Variants in SCRG1 observed in about 807,000 individuals in gnomAD.
The protein encoded by SCRG1 is scrapie-responsive protein 1.
SCRG1 carries 3 observed loss-of-function variants against 7.7 expected under a neutral mutation model. The ratio of observed to expected loss-of-function variants is 0.39; its 90% CI spans 0.18 to 1.01. SCRG1 has a LOEUF of 1.01. Ranked by LOEUF, SCRG1 falls within the 50% of genes least tolerant of loss-of-function variation. SCRG1 has a pLI of 0.36. For missense variants in SCRG1, 110 were observed against 117.2 expected (o/e 0.94, Z 0.28); for synonymous variants, 46 against 41.2 (o/e 1.12, Z -0.44).
At chr4:173,495,075 A>G in the SCRG1 span, among the ~76,000 whole-genome samples, 113 of 152,374 alleles carry the variant, frequency 7.4e-4, no homozygotes, top group African/African-American at 2.5e-3. Flanking sequence ...AATAGGGAAA[A>G]CAGGGCCTTC....
At chr4:173,426,998 G>C in the SCRG1 span, among the ~76,000 whole-genome samples, 2 of 152,246 alleles carry the variant, frequency 1.3e-5, no homozygotes, top group South Asian at 2.1e-4. Flanking sequence ...TTTTAGCATT[G>C]TCTGTCTTCC....
the SCRG1 span, among the ~76,000 whole-genome samples, chr4:173,443,194 T>A: frequency 6.6e-6 from 1 of 152,204 alleles, no homozygotes; most frequent in South Asian, 2.1e-4. Flanking sequence ...TCTTATGAGA[T>A]CCATGTAAGA....
the SCRG1 span, among the ~76,000 whole-genome samples, chr4:173,479,497 G>A: frequency 6.9e-5 from 10 of 144,922 alleles, no homozygotes; most frequent in Non-Finnish European, 1.5e-4. Context: ...CTGGAGTGCA[G>A]TGGCATGATC....
rs1739264494 is a variant in SCRG1 at position 173,386,957 on chromosome 4, G to A, written c.*1384C>T. Reference sequence around the variant, plus strand: ...TGAAAGACTTTCTGACATTACCTCTGATGGCAATATGAGTCACATACCTCT... The same window carrying A: ...TGAAAGACTTTCTGACATTACCTCTAATGGCAATATGAGTCACATACCTCT... On this transcript the variant is annotated 3_prime_UTR_variant, in exon 3 of 3. Coordinates refer to ENST00000296506, the MANE Select transcript of SCRG1 (RefSeq NM_007281.4). 1.3e-5 allele frequency: 2 copies of A among 152,142 alleles called. No homozygotes were observed. Among genetic ancestry groups the A allele is most frequent in the African/African-American group, 4.8e-5 (2 of 41,428 alleles). 9.4% of individuals were successfully genotyped at this position (152,142 alleles called of 1,614,324 possible).
the SCRG1 span, among the ~76,000 whole-genome samples, chr4:173,510,966 C>T: frequency 6.6e-6 from 1 of 152,116 alleles, no homozygotes; most frequent in Non-Finnish European, 1.5e-5. This position sits in a 1 kb window ranked among gnomAD's most constrained non-coding sequence, Gnocchi z 5.7. Flanking sequence ...TATCAGCTGC[C>T]TCTTCTTTTT....
the SCRG1 span, among the ~76,000 whole-genome samples, chr4:173,436,094 G>GA: frequency 2.0e-5 from 3 of 151,782 alleles, no homozygotes; most frequent in African/African-American, 7.3e-5. Flanking sequence ...TTAAAAGGAT[G>GA]AAAAAAACTC....
the SCRG1 span, among the ~76,000 whole-genome samples, chr4:173,516,823 G>T: frequency 6.6e-6 from 1 of 152,236 alleles, no homozygotes; most frequent in African/African-American, 2.4e-5. Flanking sequence ...CGCCGAGGGG[G>T]CCAGAGGCTC....
At chr4:173,401,904 C>T (rs4696069), upstream of SCRG1, among the ~76,000 whole-genome samples, 65,782 of 152,104 alleles carry the variant, frequency 0.43, 14,884 homozygotes, top group South Asian at 0.54. Flanking sequence ...TGGGGATGTC[C>T]TTTTGAGAAG....
the SCRG1 span, among the ~76,000 whole-genome samples, chr4:173,431,558 G>T: frequency 6.6e-6 from 1 of 152,226 alleles, no homozygotes; most frequent in Non-Finnish European, 1.5e-5. Flanking sequence ...CAGAGGTATT[G>T]CTTTGCCTGT....
the SCRG1 span, among the ~76,000 whole-genome samples, chr4:173,448,525 T>A: frequency 6.6e-6 from 1 of 152,390 alleles, no homozygotes; most frequent in East Asian, 1.9e-4. Flanking sequence ...ATGACCCTTC[T>A]GTGAACAAGG....
At chr4:173,428,943 C>T in the SCRG1 span, among the ~76,000 whole-genome samples, 2 of 152,132 alleles carry the variant, frequency 1.3e-5, no homozygotes, top group Non-Finnish European at 2.9e-5. Flanking sequence ...TCTAAATAAT[C>T]CCTCTAATTA....
At chr4:173,439,700 C>T in the SCRG1 span, among the ~76,000 whole-genome samples, 7 of 151,948 alleles carry the variant, frequency 4.6e-5, no homozygotes, top group Non-Finnish European at 1.0e-4. Context: ...TACATGGAGA[C>T]ATGTCCTCCC....
chr4:173,480,769 T>C, the SCRG1 span, among the ~76,000 whole-genome samples: 2 of 152,174 alleles, frequency 1.3e-5, no homozygotes, highest in African/African-American at 4.8e-5. Flanking sequence ...TCCTCATTTT[T>C]TTTTAAATGT....
intron 2 of SCRG1, among the ~76,000 whole-genome samples, chr4:173,389,408 C>T (rs919925340): frequency 3.3e-5 from 5 of 152,012 alleles, no homozygotes; most frequent in African/African-American, 1.2e-4. Context: ...AGGTGGCGGG[C>T]GCCTGTAGTC....
chr4:173,396,961 G>T (rs546394532), intron 1 of SCRG1, among the ~76,000 whole-genome samples: 1 of 152,098 alleles, frequency 6.6e-6, no homozygotes, highest in East Asian at 1.9e-4. Flanking sequence ...GCTGAGGCAG[G>T]AGAATCACTT....
chr4:173,491,795 T>C, the SCRG1 span, among the ~76,000 whole-genome samples: 1 of 152,124 alleles, frequency 6.6e-6, no homozygotes, highest in African/African-American at 2.4e-5. Context: ...CTTAAGTAGT[T>C]TAGTGCCTAC....
At chr4:173,517,479 TA>T in the SCRG1 span, among the ~76,000 whole-genome samples, 1 of 150,276 alleles carries the variant, frequency 6.7e-6, no homozygotes, top group African/African-American at 2.4e-5. Flanking sequence ...AAGTAACTGC[TA>T]TTTTTTTTTT....
upstream of SCRG1, among the ~76,000 whole-genome samples, chr4:173,402,868 T>C (rs1307337115): frequency 1.1e-4 from 17 of 152,204 alleles, no homozygotes; most frequent in Admixed American, 1.1e-3. Flanking sequence ...TAATTGCACT[T>C]ATTGAAAACT....
In SCRG1 at chr4:173,385,180, T is replaced by C. The variant is rs1739213191; in HGVS notation, c.*3161A>G. 1 of 152,230 alleles carries C rather than the reference T, an allele frequency of 6.6e-6. No individual in the cohort carries two copies. Among genetic ancestry groups the C allele is most frequent in the African/African-American group, 2.4e-5 (1 of 41,470 alleles). The allele number at this position is 152,230 out of a possible 1,614,324, so 9.4% of individuals were successfully genotyped here. On this transcript the variant is annotated 3_prime_UTR_variant, in exon 3 of 3. Coordinates refer to ENST00000296506, the MANE Select transcript of SCRG1 (RefSeq NM_007281.4). ...TTTTAATAAAAGCTTAGTTGTCTTA[T>C]AACTAAAATCTATTGGAAAAACTCA...
Sources: allele counts gnomAD v4.1 joint callset (sites outside exome capture counted in the v4.1 genomes callset), GRCh38; gene constraint gnomAD v4.1.1; non-coding constraint Gnocchi (gnomAD v3.1); transcripts MANE v1.5; gene names NCBI Gene and HGNC (gene_info 2026-07-23, HGNC 2026-07-21).